DCDC2C: variants seen among roughly 807,000 people sequenced by gnomAD.
DCDC2C encodes doublecortin domain containing 2C.
In DCDC2C, 44 loss-of-function variants were observed where a neutral mutation model predicts 45.0. That is an observed-to-expected ratio of 0.98 (90% CI 0.77 to 1.26). The LOEUF is 1.26. DCDC2C is among the 50% of genes most tolerant of loss of function. The probability of loss-of-function intolerance (pLI) is 0.00; values close to 1 mark genes in which losing one functional copy is unlikely to be tolerated. For missense variants in DCDC2C, 447 were observed against 468.9 expected, an observed-to-expected ratio of 0.95 and a Z score of 0.43; for synonymous variants, 187 against 178.8, an observed-to-expected ratio of 1.05 and a Z score of -0.37.
At chr2:3,708,283 T>C (rs1159659468) in intron 1 of DCDC2C, among the ~76,000 whole-genome samples, 1 of 152,158 alleles carries the variant, frequency 6.6e-6, no homozygotes, top group Non-Finnish European at 1.5e-5. Context: ...TTCTCTTTAA[T>C]AAAATTACGT....
At chr2:3,829,430 G>C (rs998397217) in intron 10 of DCDC2C, among the ~76,000 whole-genome samples, 1 of 151,966 alleles carries the variant, frequency 6.6e-6, no homozygotes, top group Admixed American at 6.6e-5. Flanking sequence ...ACTGGCACTT[G>C]GTGACAGAGT....
At chr2:3,785,324 G>A (rs1412452506) in intron 10 of DCDC2C, among the ~76,000 whole-genome samples, 1 of 152,184 alleles carries the variant, frequency 6.6e-6, no homozygotes, top group Non-Finnish European at 1.5e-5. Flanking sequence ...CCTCAGGAAA[G>A]GCAAATAAGA....
At chr2:3,709,887 C>G (rs1572548134) in intron 2 of DCDC2C, among the ~76,000 whole-genome samples, 1 of 152,152 alleles carries the variant, frequency 6.6e-6, no homozygotes, top group Admixed American at 6.5e-5. Context: ...TTCTTGTTTT[C>G]TAGTAGAGGA....
intron 10 of DCDC2C, among the ~76,000 whole-genome samples, chr2:3,813,043 A>ATG (rs1671446167): frequency 5.8e-4 from 3 of 5,196 alleles, no homozygotes; most frequent in Non-Finnish European, 1.3e-3. Flanking sequence ...AAGAACGTAT[A>ATG]TATATATATA....
In DCDC2C at chr2:3,727,049, A is replaced by C; in HGVS notation, c.386A>C (p.Gln129Pro). The C allele has an allele frequency of 6.4e-7, 1 of 1,550,500 alleles. No individual in the cohort carries two copies. The highest frequency in any genetic ancestry group is 8.7e-7 in the Non-Finnish European group (1 of 1,146,940). ...GATATAAATGTGCCTTCCAAGTGGCAAACATATCATCGTATATCTCGACAT... is the reference window on the plus strand; with the variant it reads ...GATATAAATGTGCCTTCCAAGTGGCCAACATATCATCGTATATCTCGACAT... ...HCDINVPSKW[Q>P]TYHRISRHIN... Residue 129 changes from glutamine to proline, a missense_variant, in exon 3 of 11, where the codon CAA (glutamine) becomes CCA (proline). By Grantham distance (76) the Gln-to-Pro change is moderately conservative (BLOSUM62 -1). Coordinates refer to ENST00000399143, the MANE Select transcript of DCDC2C (RefSeq NM_001287444.2).
At chr2:3,828,891 A>G (rs1558245598) in intron 10 of DCDC2C, among the ~76,000 whole-genome samples, 2 of 152,194 alleles carry the variant, frequency 1.3e-5, no homozygotes, top group South Asian at 2.1e-4. Flanking sequence ...AGGCAGTAGT[A>G]AGTTTTTCTT....
intron 10 of DCDC2C, among the ~76,000 whole-genome samples, chr2:3,785,972 A>C (rs1029086592): frequency 2.0e-4 from 31 of 152,174 alleles, no homozygotes; most frequent in Admixed American, 1.6e-3. Flanking sequence ...TCCTGTATTC[A>C]AAGTTTGTCT....
rs914798323 is a variant in DCDC2C at position 3,769,331 on chromosome 2, C to T, written c.874C>T (p.Pro292Ser). 1.9e-5 allele frequency: 29 copies of T among 1,550,390 alleles called. No individual in the cohort carries two copies. Among genetic ancestry groups the T allele is most frequent in the Non-Finnish European group, 2.5e-5 (29 of 1,146,934 alleles). Residue 292 changes from proline (P) to serine (S), a missense_variant, in exon 8 of 11, where the codon CCG (proline) becomes TCG (serine). By Grantham distance (74) the Pro-to-Ser change is moderately conservative. Transcript: ENST00000399143. Reference sequence around the variant, plus strand: ...CCCAGAAGGTGACGTGTATAAAGCACCGACTCCTAGCAAGGAAACCCAAGG... The same window carrying T: ...CCCAGAAGGTGACGTGTATAAAGCATCGACTCCTAGCAAGGAAACCCAAGG... ...RGAEGDVYKA[P>S]TPSKETQGAL... is the part of the protein sequence containing the mutation.
At chr2:3,756,565 G>A (rs973566796) in intron 6 of DCDC2C, among the ~76,000 whole-genome samples, 9 of 152,310 alleles carry the variant, frequency 5.9e-5, no homozygotes, top group African/African-American at 1.9e-4. Context: ...TTCAGCCCTG[G>A]GTGAGCCCAG....
chr2:3,772,904 A>G (rs1386957596), intron 8 of DCDC2C, among the ~76,000 whole-genome samples: 1 of 152,178 alleles, frequency 6.6e-6, no homozygotes, highest in Non-Finnish European at 1.5e-5. Flanking sequence ...TTCTTGTAGC[A>G]CAAACTTGAC....
chr2:3,810,098 G>A (rs1671356537), intron 10 of DCDC2C, among the ~76,000 whole-genome samples: 1 of 152,092 alleles, frequency 6.6e-6, no homozygotes, highest in African/African-American at 2.4e-5. Flanking sequence ...TATTCCTTTG[G>A]GTGTATACCC....
intron 2 of DCDC2C, among the ~76,000 whole-genome samples, chr2:3,723,335 G>A (rs180725836): frequency 1.1e-3 from 170 of 152,296 alleles, no homozygotes; most frequent in African/African-American, 3.8e-3. Flanking sequence ...GTAACTGCAG[G>A]TGTGTGACTG....
At chr2:3,794,848 A>C (rs1346183891) in intron 10 of DCDC2C, among the ~76,000 whole-genome samples, 3 of 152,142 alleles carry the variant, frequency 2.0e-5, no homozygotes, top group African/African-American at 7.2e-5. Context: ...TCTTTATAGC[A>C]GCATGATTTA....
At position 3,725,620 on chromosome 2, in the gene DCDC2C, C is replaced by CA. The variant is rs1668638982; in HGVS notation, c.340-1383_340-1382insA. Among the ~76,000 whole-genome samples, 17 of 106,602 alleles carry CA rather than the reference C, an allele frequency of 1.6e-4. 1 individual carries two copies. The highest frequency in any genetic ancestry group is 3.3e-4 in the East Asian group (1 of 2,994). The allele number at this position is 106,602 out of a possible 152,430, so 69.9% of individuals were successfully genotyped here. On this transcript the variant is annotated intron_variant, in intron 2 of 10. Coordinates refer to ENST00000399143, the MANE Select transcript of DCDC2C (RefSeq NM_001287444.2). ...TGCCAGGTGGATCCTGGAGGGAGACCGCCAGAGTGACGAGGATGGCCAGGT... is the reference window on the plus strand; with the variant it reads ...TGCCAGGTGGATCCTGGAGGGAGACCAGCCAGAGTGACGAGGATGGCCAGGT...
chr2:3,771,672 G>A (rs1230699378), intron 8 of DCDC2C, among the ~76,000 whole-genome samples: 2 of 152,260 alleles, frequency 1.3e-5, no homozygotes, highest in African/African-American at 4.8e-5. Flanking sequence ...AACATAGGAT[G>A]TGGTTTGTGC....
chr2:3,821,069 G>A (rs1248247252), intron 10 of DCDC2C, among the ~76,000 whole-genome samples: 2 of 152,156 alleles, frequency 1.3e-5, no homozygotes, highest in Non-Finnish European at 2.9e-5. Context: ...AGGGAGATAG[G>A]GATGGGGCCG....
At chr2:3,732,098 G>C (rs1668887357) in intron 3 of DCDC2C, among the ~76,000 whole-genome samples, 1 of 152,178 alleles carries the variant, frequency 6.6e-6, no homozygotes, top group East Asian at 1.9e-4. Flanking sequence ...GGCAGATCGA[G>C]ATGGAGGGAA....
intron 2 of DCDC2C, among the ~76,000 whole-genome samples, chr2:3,716,142 G>A (rs1437197939): frequency 6.6e-6 from 1 of 152,192 alleles, no homozygotes; most frequent in Admixed American, 6.5e-5. Context: ...ATCCAGGCAA[G>A]GGACAGTGGG....
Position 3,767,749 on chromosome 2 carries a change from TG to T in DCDC2C, c.727-4del, listed in dbSNP as rs1670051361. 1 of 1,550,616 alleles carries T rather than the reference TG, an allele frequency of 6.4e-7. No homozygotes were observed. The highest frequency in any genetic ancestry group is 8.7e-7 in the Non-Finnish European group (1 of 1,146,924). On this transcript the variant is annotated splice_polypyrimidine_tract_variant and splice_region_variant and intron_variant, in intron 6 of 10. Transcript: ENST00000399143. ...TGGACTTTCTCTTCTTCATTTGTCC[TG>T]TAGGTGGACTCCAAAGGAAAAGAAC...
Sources: gnomAD v4.1 joint callset for allele counts (sites outside exome capture counted in the v4.1 genomes callset) on GRCh38, gnomAD v4.1.1 for gene constraint, MANE v1.5 for transcripts, NCBI Gene and HGNC (gene_info 2026-07-23, HGNC 2026-07-21) for gene names.